Variants in IFT81 observed in about 807,000 individuals in gnomAD.
The protein encoded by IFT81 is intraflagellar transport protein 81 homolog.
IFT81 carries 72 observed loss-of-function variants against 102.6 expected under a neutral mutation model. The ratio of observed to expected loss-of-function variants is 0.70; its 90% CI spans 0.58 to 0.85. IFT81 has a LOEUF of 0.85. Ranked by LOEUF, IFT81 falls within the 40% of genes least tolerant of loss-of-function variation. IFT81 has a pLI of 0.00. For synonymous variants in IFT81, 237 were observed against 242.7 expected (o/e 0.98, Z 0.22); for missense variants, 723 against 787.3 (o/e 0.92, Z 0.98).
intron 11 of IFT81, among the ~76,000 whole-genome samples, chr12:110,171,649 G>A (rs1376191028): frequency 6.6e-6 from 1 of 152,198 alleles, no homozygotes; most frequent in Non-Finnish European, 1.5e-5. Flanking sequence ...TAGTTATGAT[G>A]CGTGATTTTA....
Position 110,218,077 on chromosome 12 carries a change from A to G in IFT81, c.1882A>G (p.Ser628Gly), listed in dbSNP as rs752387879. The change falls in exon 19 of 19, where the codon AGT becomes GGT. Residue 628 changes from serine to glycine, a missense_variant. Transcript: ENST00000242591. Reference sequence around the variant, plus strand: ...GGAAAAACAAAAAGTTATACGAGAAAGTCATGGTCCAAATATGAAACAAGC... The same window carrying G: ...GGAAAAACAAAAAGTTATACGAGAAGGTCATGGTCCAAATATGAAACAAGC... ...LREKQKVIRESHGPNMKQAKM... is the reference protein window; with the variant it reads ...LREKQKVIREGHGPNMKQAKM... 6.2e-7 allele frequency: 1 copy of G among 1,604,258 alleles called. No individual in the cohort carries two copies. Among genetic ancestry groups the G allele is most frequent in the South Asian group, 1.1e-5 (1 of 88,284 alleles).
At position 110,218,206 on chromosome 12, in the gene IFT81, G is replaced by A. The variant is rs879239855; in HGVS notation, c.2011G>A (p.Glu671Lys). 4.5e-6 allele frequency: 7 copies of A among 1,564,904 alleles called. No individual in the cohort carries two copies. Among genetic ancestry groups the A allele is most frequent in the Non-Finnish European group, 6.0e-6 (7 of 1,162,382 alleles). Reference sequence around the variant, plus strand: ...TGGTCAGGTAATTCAGGAGGGTGGGGAGGACCGGCTAATACTGTGAATTCT... The same window carrying A: ...TGGTCAGGTAATTCAGGAGGGTGGGAAGGACCGGCTAATACTGTGAATTCT... Reference protein sequence around the residue: ...SIGQVIQEGGEDRLIL With the variant: ...SIGQVIQEGGKDRLIL The change falls in exon 19 of 19, where the codon GAG becomes AAG. Residue 671 changes from glutamate to lysine, a missense_variant. Coordinates refer to ENST00000242591, the MANE Select transcript of IFT81 (RefSeq NM_014055.4).
At chr12:110,147,847 A>G (rs2137378288) in intron 10 of IFT81, among the ~76,000 whole-genome samples, 1 of 152,274 alleles carries the variant, frequency 6.6e-6, no homozygotes, top group East Asian at 1.9e-4. Flanking sequence ...TCATCTATAA[A>G]TGTTTCAGAA....
intron 4 of IFT81, among the ~76,000 whole-genome samples, chr12:110,130,727 C>T (rs1450420658): frequency 6.6e-6 from 1 of 151,854 alleles, no homozygotes; most frequent in Non-Finnish European, 1.5e-5. Flanking sequence ...GTAATAAAGA[C>T]ATACTTGTTC....
At chr12:110,134,724 T>C (rs756291529) in intron 5 of IFT81, among the ~76,000 whole-genome samples, 1 of 152,190 alleles carries the variant, frequency 6.6e-6, no homozygotes, top group Non-Finnish European at 1.5e-5. Flanking sequence ...ATAACTGGTT[T>C]TTGTTGCATT....
At position 110,171,453 on chromosome 12, in the gene IFT81, G is replaced by T. The variant is rs540386233; in HGVS notation, c.1188+8388G>T. Among the ~76,000 whole-genome samples, 51 of 152,104 alleles carry T rather than the reference G, an allele frequency of 3.4e-4. No individual in the cohort carries two copies. In the South Asian group the frequency reaches 0.01, roughly 31 times the overall value. On this transcript the variant is annotated intron_variant, in intron 11 of 18. Transcript: ENST00000242591. ...TTTCATTTAATACAGATTTCTACCC[G>T]CATATATCATATCGATTATTACAGA... is the stretch of plus-strand genomic sequence containing the variant.
Position 110,143,367 on chromosome 12 carries a change from A to T in IFT81, c.782-15A>T. ...ACTCTTTTGGGCTGAATATTTATTT[A>T]TTTTATTTTTAAAGGTTTAATGAAG... On this transcript the variant is annotated splice_polypyrimidine_tract_variant and intron_variant, in intron 8 of 18. Transcript: ENST00000242591. 1 of 1,247,450 alleles carries T rather than the reference A, an allele frequency of 8.0e-7. No homozygotes were observed. The allele number at this position is 1,247,450 out of a possible 1,614,324, so 77.3% of individuals were successfully genotyped here.
At position 110,153,963 on chromosome 12, in the gene IFT81, A is replaced by C. The variant is rs185578437; in HGVS notation, c.1041+6915A>C. Among the ~76,000 whole-genome samples, 830 of 152,034 alleles carry C rather than the reference A, an allele frequency of 5.5e-3. 12 individuals are homozygous for C. The highest frequency in any genetic ancestry group is 9.0e-3 in the Non-Finnish European group (614 of 67,998). ...TTGGGTGGAATTCACCAGTGTGGCC[A>C]TCAGGACCAGGGCTTTTCTTTGTTG... On this transcript the variant is annotated intron_variant, in intron 10 of 18. Transcript: ENST00000242591.
intron 11 of IFT81, chr12:110,168,265 G>C (rs1050643443): frequency 6.6e-6 from 1 of 152,622 alleles, no homozygotes; most frequent in Non-Finnish European, 1.5e-5. Flanking sequence ...CCAGGAGTTG[G>C]ATTTAGCAGT....
At chr12:110,196,885 T>C (rs1289637856) in intron 14 of IFT81, among the ~76,000 whole-genome samples, 1 of 152,118 alleles carries the variant, frequency 6.6e-6, no homozygotes, top group African/African-American at 2.4e-5. Flanking sequence ...GTCCTTATTT[T>C]TGTCTTATGT....
chr12:110,159,270 C>A lies in IFT81; in HGVS notation c.1042-3649C>A, dbSNP rs989196518. On this transcript the variant is annotated intron_variant, in intron 10 of 18. Transcript: ENST00000242591. ...GTTGAGCTCAGGAGTTTGAGACTAA[C>A]CTGGGCAACATGGCAAGGTCTCTAC... is the stretch of plus-strand genomic sequence containing the variant. Among the ~76,000 whole-genome samples the A allele has an allele frequency of 7.9e-5, 12 of 152,192 alleles. 1 individual carries two copies. In the East Asian group the frequency reaches 9.7e-4, roughly 12 times the overall value.
chr12:110,171,183 C>T (rs1896707540), intron 11 of IFT81, among the ~76,000 whole-genome samples: 2 of 152,014 alleles, frequency 1.3e-5, no homozygotes, highest in South Asian at 4.1e-4. Flanking sequence ...GCTCAGTTCA[C>T]TGTAATAGAA....
chr12:110,199,868 G>A (rs1057000626), intron 14 of IFT81, among the ~76,000 whole-genome samples: 21 of 152,236 alleles, frequency 1.4e-4, no homozygotes, highest in African/African-American at 4.6e-4. Flanking sequence ...GGTCATTCTC[G>A]GGATGGTGTT....
chr12:110,179,085 T>G (rs528199059), intron 11 of IFT81, among the ~76,000 whole-genome samples: 1 of 152,266 alleles, frequency 6.6e-6, no homozygotes, highest in African/African-American at 2.4e-5. Flanking sequence ...GAGTCTTCAC[T>G]AACTTGGGAT....
intron 11 of IFT81, 126 bp downstream of exon 11, chr12:110,163,191 TA>T: frequency 1.4e-6 from 1 of 708,742 alleles, no homozygotes; most frequent in Non-Finnish European, 2.3e-6. Flanking sequence ...AAAACATATT[TA>T]AAACTGAAGA....
At chr12:110,207,052 C>T (rs1481825605) in intron 17 of IFT81, among the ~76,000 whole-genome samples, 12 of 149,934 alleles carry the variant, frequency 8.0e-5, no homozygotes, top group African/African-American at 2.5e-4. Context: ...TTTTTTGAGA[C>T]GGAGTCTTGC....
rs567329364 is a variant in IFT81, at chr12:110,181,810, G to A, written c.1338+1239G>A. Among the ~76,000 whole-genome samples the A allele has an allele frequency of 1.2e-4, 19 of 152,140 alleles. No individual in the cohort carries two copies. In the South Asian group the frequency reaches 3.3e-3, roughly 27 times the overall value. On this transcript the variant is annotated intron_variant, in intron 12 of 18. Transcript: ENST00000242591. The stretch of plus-strand genomic sequence containing the variant: ...AGTTGGGTCCCTAGAAGCAGAGCTC[G>A]AGAAGGGAATTCTTTGTGCTAGTGA...
chr12:110,198,097 G>A (rs1898096722), intron 14 of IFT81, among the ~76,000 whole-genome samples: 1 of 152,086 alleles, frequency 6.6e-6, no homozygotes, highest in Admixed American at 6.5e-5. Flanking sequence ...ATCATTTCCT[G>A]TTTAGATTTA....
chr12:110,174,127 A>C (rs548615493), intron 11 of IFT81, among the ~76,000 whole-genome samples: 123 of 151,798 alleles, frequency 8.1e-4, no homozygotes, highest in African/African-American at 2.9e-3. Flanking sequence ...AATACAAAAA[A>C]ATTAGCCAGG....
Sources: allele counts gnomAD v4.1 joint callset (sites outside exome capture counted in the v4.1 genomes callset), GRCh38; gene constraint gnomAD v4.1.1; transcripts MANE v1.5; gene names NCBI Gene and HGNC (gene_info 2026-07-23, HGNC 2026-07-21).